SLC4A10: variants seen among roughly 807,000 people sequenced by gnomAD.
SLC4A10 encodes solute carrier family 4 member 10, also known as sodium-driven chloride bicarbonate exchanger.
In SLC4A10, 42 loss-of-function variants were observed where a neutral mutation model predicts 137.7. That is an observed-to-expected ratio of 0.30 (90% CI 0.24 to 0.39). SLC4A10 has a LOEUF of 0.39. Among genes scored for constraint, SLC4A10 ranks in the 10% least tolerant of loss-of-function variants. The probability of loss-of-function intolerance (pLI) is 1.00; values close to 1 mark genes in which losing one functional copy is unlikely to be tolerated. For missense variants in SLC4A10, 925 were observed against 1,355.0 expected, an observed-to-expected ratio of 0.68 and a Z score of 4.98; for synonymous variants, 474 against 464.1, an observed-to-expected ratio of 1.02 and a Z score of -0.27.
intron 21 of SLC4A10, among the ~76,000 whole-genome samples, chr2:161,959,583 G>T (rs1184342043): frequency 6.6e-6 from 1 of 152,162 alleles, no homozygotes; most frequent in African/African-American, 2.4e-5. Flanking sequence ...CATGGAATGT[G>T]ACTCCTTCAG....
At chr2:161,910,018 A>C (rs753264826) in intron 15 of SLC4A10, among the ~76,000 whole-genome samples, 2 of 152,174 alleles carry the variant, frequency 1.3e-5, no homozygotes, top group Non-Finnish European at 2.9e-5. Flanking sequence ...TTCCTAGAAA[A>C]TGTTATAGCT....
intron 6 of SLC4A10, among the ~76,000 whole-genome samples, chr2:161,867,172 T>C (rs138970664): frequency 4.5e-4 from 69 of 152,102 alleles, no homozygotes; most frequent in African/African-American, 1.5e-3. Context: ...AATGTACACA[T>C]ATGTATTGTG....
chr2:161,734,682 G>A (rs1479528719), intron 1 of SLC4A10, among the ~76,000 whole-genome samples: 1 of 151,904 alleles, frequency 6.6e-6, no homozygotes, highest in African/African-American at 2.4e-5. Flanking sequence ...CTCATTTTAT[G>A]TCTTTATAAC....
chr2:161,846,420 T>C (rs2059499506), intron 4 of SLC4A10, among the ~76,000 whole-genome samples: 1 of 152,198 alleles, frequency 6.6e-6, no homozygotes, highest in Non-Finnish European at 1.5e-5. Flanking sequence ...TTTGACAGTT[T>C]CTGATAAAAC....
intron 2 of SLC4A10, 144 bp from the exon 3 acceptor site, chr2:161,804,305 C>A: frequency 2.5e-6 from 2 of 793,680 alleles, no homozygotes; most frequent in Non-Finnish European, 3.8e-6. Context: ...AAAGACAGTG[C>A]CACGCTCCAA....
chr2:161,823,644 AG>A (rs1384403676), intron 3 of SLC4A10, among the ~76,000 whole-genome samples: 8 of 152,264 alleles, frequency 5.3e-5, no homozygotes, highest in African/African-American at 1.7e-4. Context: ...GGTTTGCAGC[AG>A]TGGTTGCCCA....
At chr2:161,646,917 A>G (rs529669621) in intron 1 of SLC4A10, among the ~76,000 whole-genome samples, 3 of 151,964 alleles carry the variant, frequency 2.0e-5, no homozygotes, top group African/African-American at 7.2e-5. Flanking sequence ...AATTTTCATT[A>G]TCTTAGTTAC....
intron 5 of SLC4A10, among the ~76,000 whole-genome samples, chr2:161,855,625 A>C (rs1365051936): frequency 6.6e-6 from 1 of 152,134 alleles, no homozygotes; most frequent in Non-Finnish European, 1.5e-5. Flanking sequence ...GTAATTCAAT[A>C]CTATAAACTG....
Position 161,634,141 on chromosome 2 carries a change from G to T in SLC4A10, c.48+9575G>T, listed in dbSNP as rs371753480. Among the ~76,000 whole-genome samples the T allele has an allele frequency of 1.1e-4, 16 of 151,880 alleles. No homozygotes were observed. In the East Asian group the frequency reaches 2.3e-3, roughly 22 times the overall value. ...AGATATCACATTTCTTTAATCTCCA[G>T]TTTGTGACAGTTATTAAGTCTTTTT... On this transcript the variant is annotated intron_variant, in intron 1 of 26. Transcript: ENST00000446997.
At chr2:161,743,771 T>A (rs1357890300) in intron 1 of SLC4A10, among the ~76,000 whole-genome samples, 3 of 152,192 alleles carry the variant, frequency 2.0e-5, no homozygotes, top group Admixed American at 2.0e-4. Flanking sequence ...TACATGAACA[T>A]GGAACATCTT....
chr2:161,894,347 A>C (rs2063225409), intron 10 of SLC4A10, among the ~76,000 whole-genome samples: 1 of 152,056 alleles, frequency 6.6e-6, no homozygotes. Flanking sequence ...TTTGTAAGCA[A>C]AGGCTTCCTC....
chr2:161,626,551 G>A (rs1179561021), intron 1 of SLC4A10, among the ~76,000 whole-genome samples: 2 of 152,046 alleles, frequency 1.3e-5, no homozygotes, highest in East Asian at 1.9e-4. Context: ...AAGCCTGAGG[G>A]GCTAGAGAGG....
At chr2:161,751,330 T>C (rs903718659) in intron 1 of SLC4A10, among the ~76,000 whole-genome samples, 2 of 151,180 alleles carry the variant, frequency 1.3e-5, no homozygotes, top group African/African-American at 4.8e-5. Flanking sequence ...CTTTCTTTTT[T>C]AACTGTCTTT....
chr2:161,739,267 G>A (rs1210688720), intron 1 of SLC4A10, among the ~76,000 whole-genome samples: 2 of 152,114 alleles, frequency 1.3e-5, no homozygotes, highest in African/African-American at 4.8e-5. Flanking sequence ...AATCTAGTGG[G>A]AACACTCTTT....
intron 1 of SLC4A10, among the ~76,000 whole-genome samples, chr2:161,679,592 C>T (rs935619927): frequency 2.0e-5 from 3 of 151,694 alleles, no homozygotes; most frequent in African/African-American, 4.8e-5. Context: ...CCCTCAGTTT[C>T]TCATATTGAA....
intron 1 of SLC4A10, among the ~76,000 whole-genome samples, chr2:161,704,862 G>C (rs781771126): frequency 6.6e-6 from 1 of 151,372 alleles, no homozygotes; most frequent in Non-Finnish European, 1.5e-5. Flanking sequence ...ACATCTTTGA[G>C]CATAAATCTT....
intron 2 of SLC4A10, among the ~76,000 whole-genome samples, chr2:161,780,949 C>A (rs367815826): frequency 9.9e-5 from 15 of 152,060 alleles, no homozygotes; most frequent in South Asian, 8.3e-4. Flanking sequence ...GTCAAAACAA[C>A]CCTGAATGTG....
chr2:161,766,658 A>G (rs2050829736), intron 1 of SLC4A10, among the ~76,000 whole-genome samples: 1 of 152,082 alleles, frequency 6.6e-6, no homozygotes, highest in African/African-American at 2.4e-5. Flanking sequence ...CTTTGTAAAT[A>G]TATCAATAAC....
intron 1 of SLC4A10, among the ~76,000 whole-genome samples, chr2:161,727,184 A>C (rs767179932): frequency 2.7e-4 from 41 of 152,218 alleles, no homozygotes; most frequent in Non-Finnish European, 5.1e-4. Flanking sequence ...CTATTCCTTC[A>C]TCTTATTCCT....
Sources: gnomAD v4.1 joint callset for allele counts (sites outside exome capture counted in the v4.1 genomes callset) on GRCh38, gnomAD v4.1.1 for gene constraint, MANE v1.5 for transcripts, NCBI Gene and HGNC (gene_info 2026-07-23, HGNC 2026-07-21) for gene names.